The following SIK3 variants were observed in gnomAD, a reference collection of about 807,000 sequenced individuals.
The protein encoded by SIK3 is serine/threonine-protein kinase SIK3.
SIK3 carries 28 observed loss-of-function variants against 144.2 expected under a neutral mutation model. The ratio of observed to expected loss-of-function variants is 0.19; its 90% CI spans 0.14 to 0.27. The LOEUF (loss-of-function observed/expected upper bound fraction) is 0.27. Ranked by LOEUF, SIK3 falls within the 10% of genes least tolerant of loss-of-function variation. The pLI is 1.00. For missense variants in SIK3, 1,319 were observed against 1,776.0 expected (o/e 0.74, Z 4.62); for synonymous variants, 686 against 676.3 (o/e 1.01, Z -0.22).
At chr11:117,072,043 G>A (rs1026864962) in intron 1 of SIK3, among the ~76,000 whole-genome samples, 2 of 151,660 alleles carry the variant, frequency 1.3e-5, no homozygotes, top group African/African-American at 4.8e-5. Flanking sequence ...ATCACTGATG[G>A]TTTTAAAGTT....
chr11:116,946,233 C>A (rs905367675), intron 3 of SIK3, among the ~76,000 whole-genome samples: 1 of 152,156 alleles, frequency 6.6e-6, no homozygotes, highest in Non-Finnish European at 1.5e-5. Flanking sequence ...CAAACCCCTC[C>A]TTATTTCCTG....
chr11:116,984,532 T>G (rs1227569127), intron 1 of SIK3, among the ~76,000 whole-genome samples: 1 of 152,198 alleles, frequency 6.6e-6, no homozygotes, highest in Non-Finnish European at 1.5e-5. Flanking sequence ...ATGAATAAAC[T>G]CTGGAGCCCA....
chr11:117,093,792 T>C (rs1285113404), intron 1 of SIK3, among the ~76,000 whole-genome samples: 1 of 152,100 alleles, frequency 6.6e-6, no homozygotes, highest in South Asian at 2.1e-4. Context: ...GCACCTGCAA[T>C]AGTAGCAAAC....
At chr11:117,011,024 G>A (rs1015405011) in intron 1 of SIK3, among the ~76,000 whole-genome samples, 2 of 152,192 alleles carry the variant, frequency 1.3e-5, no homozygotes, top group Non-Finnish European at 2.9e-5. Flanking sequence ...GGAGGCTGAC[G>A]TGGGAGGATC....
chr11:116,870,043 G>A, intron 14 of SIK3: 1 of 1,235,630 alleles, frequency 8.1e-7, no homozygotes, highest in South Asian at 1.3e-5. Context: ...TACTATCAGA[G>A]TTGCAATATG....
intron 1 of SIK3, among the ~76,000 whole-genome samples, chr11:117,043,241 C>T (rs1246587859): frequency 6.6e-6 from 1 of 152,088 alleles, no homozygotes; most frequent in Non-Finnish European, 1.5e-5. Context: ...AGCTTAATGA[C>T]TGAAATAAAA....
chr11:116,858,246 C>A lies in SIK3; in HGVS notation c.3219G>T (p.Gly1073=), dbSNP rs1174844835. The part of the protein sequence containing the change: ...YQELFRHMNQ[G]DAGSLAPSLG... ...GGCTGGGAGCCAGACTCCCCGCATC[C>A]CCTTGGTTCATGTGCCTGAACAGTT... The change falls in exon 21 of 25, where the codon GGG becomes GGT. Residue 1073 remains glycine, a synonymous_variant. Transcript: ENST00000445177. This position sits in a 1 kb window ranked among gnomAD's most constrained non-coding sequence, Gnocchi z 5.4. 1.9e-6 allele frequency: 3 copies of A among 1,614,050 alleles called. No homozygotes were observed. The highest frequency in any genetic ancestry group is 1.6e-4 in the Middle Eastern group (1 of 6,062).
At chr11:116,859,625 G>T in intron 19 of SIK3, 21 bp from the exon 20 acceptor site, 1 of 1,604,470 alleles carries the variant, frequency 6.2e-7, no homozygotes, top group South Asian at 1.1e-5. Context: ...AGGAACCTCA[G>T]AGTGACCAAG....
At chr11:117,023,240 C>T (rs1273493086) in intron 1 of SIK3, among the ~76,000 whole-genome samples, 2 of 152,038 alleles carry the variant, frequency 1.3e-5, no homozygotes, top group Admixed American at 1.3e-4. Flanking sequence ...CCTCTCTGAC[C>T]ATCCCCTCAC....
chr11:117,024,317 TAAA>T (rs201592688), intron 1 of SIK3, among the ~76,000 whole-genome samples: 10,289 of 132,074 alleles, frequency 0.078, 620 homozygotes, highest in African/African-American at 0.17. Flanking sequence ...ACACAGTCTT[TAAA>T]AAAAAAAAAA....
intron 1 of SIK3, among the ~76,000 whole-genome samples, chr11:117,023,500 G>A (rs1002118467): frequency 1.3e-5 from 2 of 148,546 alleles, no homozygotes; most frequent in African/African-American, 2.5e-5. Flanking sequence ...TGACCTACTG[G>A]GCTCAAGTGA....
rs572637658 is a variant in SIK3 at position 116,944,253 on chromosome 11, G to A, written c.454+9791C>T. ...TCTGGGAAGCAGTCTCTGGGTTCTT[G>A]GAATGTTATGTCTGCTCGGAGTGTC... On this transcript the variant is annotated intron_variant, in intron 3 of 24. Coordinates refer to ENST00000445177, the MANE Select transcript of SIK3 (RefSeq NM_001366686.3). 4.6e-5 allele frequency among the ~76,000 whole-genome samples: 7 copies of A among 152,258 alleles called. 1 individual carries two copies. In the South Asian group the frequency reaches 1.5e-3, roughly 32 times the overall value.
intron 1 of SIK3, among the ~76,000 whole-genome samples, chr11:117,042,026 T>C (rs1204553447): frequency 6.6e-6 from 1 of 152,138 alleles, no homozygotes; most frequent in Non-Finnish European, 1.5e-5. Context: ...TGTACTCATG[T>C]CCTCCTTATT....
intron 1 of SIK3, among the ~76,000 whole-genome samples, chr11:117,076,144 C>T (rs1466561038): frequency 6.6e-6 from 1 of 152,088 alleles, no homozygotes; most frequent in Admixed American, 6.6e-5. Context: ...CCACTGCACC[C>T]GGCCAGTTAC....
chr11:116,855,700 C>T (rs979601951), intron 21 of SIK3: 1 of 152,256 alleles, frequency 6.6e-6, no homozygotes, highest in African/African-American at 2.4e-5. Flanking sequence ...GCTCGGTGAG[C>T]ATCTCTCGTG....
chr11:116,992,968 G>C (rs780158220), intron 1 of SIK3, among the ~76,000 whole-genome samples: 1 of 152,198 alleles, frequency 6.6e-6, no homozygotes, highest in Non-Finnish European at 1.5e-5. Flanking sequence ...CTGGGTGACA[G>C]AGTGAGATTC....
intron 6 of SIK3, among the ~76,000 whole-genome samples, chr11:116,886,986 T>G (rs1467599015): frequency 6.6e-6 from 1 of 152,228 alleles, no homozygotes; most frequent in Non-Finnish European, 1.5e-5. Context: ...CCAAAAACAC[T>G]GGCCTGGATC....
chr11:117,053,711 A>G (rs1953374702), intron 1 of SIK3, among the ~76,000 whole-genome samples: 2 of 150,492 alleles, frequency 1.3e-5, no homozygotes, highest in Admixed American at 6.6e-5. Flanking sequence ...CTGGAGCACA[A>G]TCATGGCTCA....
intron 1 of SIK3, among the ~76,000 whole-genome samples, chr11:117,035,320 C>T (rs1952447371): frequency 6.6e-6 from 1 of 151,988 alleles, no homozygotes; most frequent in Non-Finnish European, 1.5e-5. Flanking sequence ...ATAATGAAGA[C>T]CTAAATTAGC....
Sources: allele counts gnomAD v4.1 joint callset (sites outside exome capture counted in the v4.1 genomes callset), GRCh38; gene constraint gnomAD v4.1.1; non-coding constraint Gnocchi (gnomAD v3.1); transcripts MANE v1.5; gene names NCBI Gene and HGNC (gene_info 2026-07-23, HGNC 2026-07-21).